GRM5: variants seen among roughly 807,000 people sequenced by gnomAD.
GRM5 encodes the protein glutamate metabotropic receptor 5.
In GRM5, 19 loss-of-function variants were observed where a neutral mutation model predicts 83.1. That is an observed-to-expected ratio of 0.23 (90% CI 0.16 to 0.34). The LOEUF (loss-of-function observed/expected upper bound fraction) is 0.34. Among genes scored for constraint, GRM5 ranks in the 10% least tolerant of loss-of-function variants. The pLI, the probability that GRM5 is intolerant of heterozygous loss-of-function variation, is 1.00. For synonymous variants in GRM5, 675 were observed against 633.6 expected, an observed-to-expected ratio of 1.07 and a Z score of -0.98; for missense variants, 1,160 against 1,588.3, an observed-to-expected ratio of 0.73 and a Z score of 4.58.
At chr11:88,866,250 G>T (rs1477712254) in intron 2 of GRM5, among the ~76,000 whole-genome samples, 2 of 152,056 alleles carry the variant, frequency 1.3e-5, no homozygotes, top group Non-Finnish European at 2.9e-5. Flanking sequence ...CATGTCCTTT[G>T]CAGGCACATG....
At chr11:88,839,398 A>C (rs1185385408) in intron 3 of GRM5, among the ~76,000 whole-genome samples, 3 of 152,226 alleles carry the variant, frequency 2.0e-5, no homozygotes, top group Non-Finnish European at 2.9e-5. Flanking sequence ...GTTTTAGTAC[A>C]TGGATAGGTA....
At chr11:88,682,101 T>C (rs1331211686) in intron 3 of GRM5, among the ~76,000 whole-genome samples, 2 of 152,178 alleles carry the variant, frequency 1.3e-5, no homozygotes, top group African/African-American at 4.8e-5. Context: ...ATAAACTGAT[T>C]TTAAGTAACT....
chr11:88,941,337 C>T (rs1938082415), intron 2 of GRM5, among the ~76,000 whole-genome samples: 1 of 149,410 alleles, frequency 6.7e-6, no homozygotes. Flanking sequence ...GAACATAACA[C>T]ATTTGAACTT....
At chr11:88,519,365 A>G (rs750395523) in intron 9 of GRM5, among the ~76,000 whole-genome samples, 1 of 152,018 alleles carries the variant, frequency 6.6e-6, no homozygotes, top group African/African-American at 2.4e-5. Context: ...ATGATGGTCA[A>G]ATAGTTAGGT....
intron 3 of GRM5, among the ~76,000 whole-genome samples, chr11:88,690,695 C>G (rs1051511870): frequency 6.6e-6 from 1 of 152,166 alleles, no homozygotes; most frequent in Non-Finnish European, 1.5e-5. Flanking sequence ...TTTGTCACTT[C>G]AGTCACAGAC....
intron 2 of GRM5, among the ~76,000 whole-genome samples, chr11:88,894,677 T>C (rs201102141): frequency 1.9e-3 from 1 of 520 alleles, no homozygotes; most frequent in African/African-American, 3.4e-3. Context: ...TTCCTGTTTG[T>C]GTTCTCCTCA....
chr11:88,730,880 C>T (rs1439609713), intron 3 of GRM5, among the ~76,000 whole-genome samples: 1 of 151,878 alleles, frequency 6.6e-6, no homozygotes, highest in Non-Finnish European at 1.5e-5. Flanking sequence ...GAGTCGGGGG[C>T]TAGGGGAGGG....
chr11:88,788,473 T>A (rs1033864663), intron 3 of GRM5, among the ~76,000 whole-genome samples: 1 of 152,152 alleles, frequency 6.6e-6, no homozygotes, highest in African/African-American at 2.4e-5. Context: ...AACAAGCAGA[T>A]CATATTGTTA....
intron 2 of GRM5, among the ~76,000 whole-genome samples, chr11:88,988,236 A>T (rs12280326): frequency 7.2e-5 from 11 of 152,156 alleles, no homozygotes; most frequent in African/African-American, 2.2e-4. Context: ...TAGCCGATGC[A>T]ATCAACTGGA....
chr11:88,802,915 T>C (rs1337857970), intron 3 of GRM5, among the ~76,000 whole-genome samples: 1 of 151,420 alleles, frequency 6.6e-6, no homozygotes, highest in Admixed American at 6.6e-5. Flanking sequence ...AGCCAAATCA[T>C]GAGTGAACTC....
chr11:88,832,391 A>G (rs760342418), intron 3 of GRM5, among the ~76,000 whole-genome samples: 2 of 152,212 alleles, frequency 1.3e-5, no homozygotes, highest in African/African-American at 2.4e-5. Context: ...AAAAAAATCT[A>G]TAAGTATACT....
At chr11:88,657,158 T>C (rs1486609809) in intron 3 of GRM5, among the ~76,000 whole-genome samples, 1 of 152,300 alleles carries the variant, frequency 6.6e-6, no homozygotes. Flanking sequence ...GGTTATGTTT[T>C]GACTAGTTGA....
At chr11:88,725,300 T>G (rs1941650111) in intron 3 of GRM5, among the ~76,000 whole-genome samples, 1 of 152,058 alleles carries the variant, frequency 6.6e-6, no homozygotes, top group Non-Finnish European at 1.5e-5. Context: ...CCACCACAGC[T>G]CAGCAAAGCT....
intron 2 of GRM5, among the ~76,000 whole-genome samples, chr11:88,892,770 G>T (rs1945167425): frequency 6.6e-6 from 1 of 151,974 alleles, no homozygotes; most frequent in Admixed American, 6.6e-5. Flanking sequence ...ATCTCCTGCA[G>T]CTTGGAAGAA....
At chr11:88,714,868 A>G (rs1201447890) in intron 3 of GRM5, among the ~76,000 whole-genome samples, 1 of 152,002 alleles carries the variant, frequency 6.6e-6, no homozygotes, top group Non-Finnish European at 1.5e-5. Context: ...CACTGCATGA[A>G]AAATCAGAGC....
chr11:88,579,516 A>G (rs1217629602), intron 7 of GRM5, among the ~76,000 whole-genome samples: 1 of 152,202 alleles, frequency 6.6e-6, no homozygotes, highest in African/African-American at 2.4e-5. Context: ...CGGGTTGCTC[A>G]GGGTAGACAT....
chr11:88,653,083 T>C (rs1305293636), intron 4 of GRM5, 85 bp downstream of exon 4: 1 of 812,910 alleles, frequency 1.2e-6, no homozygotes, highest in African/African-American at 1.7e-5. Context: ...TTGTAACATA[T>C]TACAGCCACT....
intron 3 of GRM5, among the ~76,000 whole-genome samples, chr11:88,833,492 C>A (rs547658892): frequency 6.6e-6 from 1 of 151,836 alleles, no homozygotes; most frequent in South Asian, 2.1e-4. Context: ...AAGATGCTGG[C>A]CAGAATGCAA....
At chr11:88,510,501 A>C (rs1941335332) in intron 9 of GRM5, among the ~76,000 whole-genome samples, 1 of 132,972 alleles carries the variant, frequency 7.5e-6, no homozygotes, top group South Asian at 2.7e-4. Flanking sequence ...ATGTGGCCTG[A>C]CACTCAAGAT....
Sources: allele counts gnomAD v4.1 joint callset (sites outside exome capture counted in the v4.1 genomes callset), GRCh38; gene constraint gnomAD v4.1.1; transcripts MANE v1.5; gene names NCBI Gene and HGNC (gene_info 2026-07-23, HGNC 2026-07-21).